Variants in HELLS observed in about 807,000 individuals in gnomAD.
HELLS encodes the protein lymphoid-specific helicase.
A neutral mutation model predicts 120.0 loss-of-function variants in HELLS; 32 were observed. The ratio of observed to expected loss-of-function variants is 0.27; its 90% confidence interval spans 0.20 to 0.36. The LOEUF (loss-of-function observed/expected upper bound fraction) is 0.36. HELLS is among the 10% of genes least tolerant of loss of function. HELLS has a pLI of 1.00. For missense variants in HELLS, 650 were observed against 993.4 expected (o/e 0.65, Z 4.65); for synonymous variants, 341 against 323.4 (o/e 1.05, Z -0.58).
At chr10:94,586,838 C>A (rs1193335613) in intron 12 of HELLS, among the ~76,000 whole-genome samples, 1 of 151,934 alleles carries the variant, frequency 6.6e-6, no homozygotes, top group Non-Finnish European at 1.5e-5. Flanking sequence ...ATTCTGTAAT[C>A]CCGCCACCAC....
chr10:94,583,582 A>G (rs1391284665), intron 12 of HELLS, among the ~76,000 whole-genome samples: 1 of 152,126 alleles, frequency 6.6e-6, no homozygotes, highest in Non-Finnish European at 1.5e-5. Context: ...TCATGAGAAA[A>G]ACGTGAAGCA....
chr10:94,552,845 G>A (rs1324020788), intron 2 of HELLS, among the ~76,000 whole-genome samples: 1 of 152,134 alleles, frequency 6.6e-6, no homozygotes, highest in East Asian at 1.9e-4. Context: ...AGGGCATGGT[G>A]GCATCTGCCT....
At chr10:94,603,829 TTTCC>T (rs770238793), downstream of HELLS, among the ~76,000 whole-genome samples, 117 of 127,224 alleles carry the variant, frequency 9.2e-4, no homozygotes, top group African/African-American at 1.9e-3. Context: ...TTTTTCTTTC[TTTCC>T]TTTTTTTCCC....
intron 6 of HELLS, among the ~76,000 whole-genome samples, chr10:94,566,647 T>C (rs1438654898): frequency 6.6e-6 from 1 of 151,988 alleles, no homozygotes; most frequent in Non-Finnish European, 1.5e-5. Flanking sequence ...TTCTTTCTTT[T>C]TCTTTTCTTT....
Position 94,587,096 on chromosome 10 carries a change from T to C in HELLS, c.1327-1133T>C, listed in dbSNP as rs147611649. The stretch of plus-strand genomic sequence containing the variant: ...GTTGCTTCTGTGTTCTCTTTATAAA[T>C]GTGATAATCATTTGTAACCACCCCA... On this transcript the variant is annotated intron_variant, in intron 12 of 21. Transcript: ENST00000348459. Among the ~76,000 whole-genome samples, 37 of 152,246 alleles carry C rather than the reference T, an allele frequency of 2.4e-4. 1 individual carries two copies. The East Asian group carries it at 7.0e-3, about 29-fold the overall frequency.
intron 2 of HELLS, 131 bp from the exon 3 acceptor site, chr10:94,553,995 G>T: frequency 3.9e-5 from 26 of 675,288 alleles, no homozygotes; most frequent in African/African-American, 7.8e-5. Flanking sequence ...ACAGTTATTT[G>T]TTCCAGTTTT....
chr10:94,613,380 T>C (rs1846213215), exon 10 of HELLS: 1 of 152,250 alleles, frequency 6.6e-6, no homozygotes, highest in African/African-American at 2.4e-5. Context: ...GCTTTTAGTT[T>C]TGTTAAATCT....
At chr10:94,579,728 G>C (rs879648777) in intron 10 of HELLS, among the ~76,000 whole-genome samples, 9 of 151,732 alleles carry the variant, frequency 5.9e-5, no homozygotes, top group Non-Finnish European at 1.0e-4. Flanking sequence ...TTTTTTGTAG[G>C]AACAGGGTGT....
intron 1 of HELLS, 152 bp from the exon 2 acceptor site, chr10:94,546,225 T>G: frequency 1.1e-6 from 1 of 912,126 alleles, no homozygotes; most frequent in Non-Finnish European, 1.7e-6. Flanking sequence ...TGTGAAGACT[T>G]ACGGTGTCTT....
At chr10:94,566,461 G>A (rs919663717) in intron 6 of HELLS, among the ~76,000 whole-genome samples, 1 of 152,092 alleles carries the variant, frequency 6.6e-6, no homozygotes, top group Non-Finnish European at 1.5e-5. Flanking sequence ...CCTCCAATTT[G>A]TATATAAGTG....
chr10:94,560,523 T>C (rs1843498377), intron 4 of HELLS, among the ~76,000 whole-genome samples: 1 of 150,912 alleles, frequency 6.6e-6, no homozygotes, highest in African/African-American at 2.4e-5. Context: ...GATGAGACCC[T>C]GTCTCTGCTA....
chr10:94,596,752 CT>C (rs1564618337), intron 19 of HELLS, 107 bp from the exon 20 acceptor site: 146 of 592,978 alleles, frequency 2.5e-4, no homozygotes, highest in Middle Eastern at 4.7e-4. Flanking sequence ...TTTATCAACA[CT>C]TTTTTTTGCC....
At position 94,545,903 on chromosome 10, in the gene HELLS, C is replaced by G. The variant is rs1199785850; in HGVS notation, c.-19C>G. 1.3e-6 allele frequency: 2 copies of G among 1,553,250 alleles called. No individual in the cohort carries two copies. Among genetic ancestry groups the G allele is most frequent in the South Asian group, 1.2e-5 (1 of 84,182 alleles). ...GGCTCTGAGAGGAGGGGACCCGGTT[C>G]CCGGGTGAGTGTCCAGGCATGCCAG... On this transcript the variant is annotated 5_prime_UTR_variant, in exon 1 of 22. Coordinates refer to ENST00000348459, the MANE Select transcript of HELLS (RefSeq NM_018063.5).
At chr10:94,579,115 G>A (rs1422185029) in intron 10 of HELLS, among the ~76,000 whole-genome samples, 1 of 151,672 alleles carries the variant, frequency 6.6e-6, no homozygotes, top group Non-Finnish European at 1.5e-5. Context: ...TACAGTAAAA[G>A]TAATATATAC....
chr10:94,554,370 C>G (rs894827603), intron 3 of HELLS, 122 bp downstream of exon 3: 2 of 640,308 alleles, frequency 3.1e-6, no homozygotes, highest in Admixed American at 8.1e-5. Context: ...TGAGTTTTGA[C>G]TAGTAAATAT....
At chr10:94,613,456 A>G (rs539340619) in exon 10 of HELLS, 2 of 152,306 alleles carry the variant, frequency 1.3e-5, no homozygotes, top group South Asian at 2.1e-4. Flanking sequence ...TGTGTTTGCT[A>G]TAAAATAAGC....
chr10:94,546,741 A>G (rs966446103), intron 2 of HELLS, among the ~76,000 whole-genome samples: 26 of 152,190 alleles, frequency 1.7e-4, no homozygotes, highest in Admixed American at 6.5e-5. Flanking sequence ...CTTTTAAATG[A>G]GCATTTCAGA....
chr10:94,553,206 A>T (rs1843068963), intron 2 of HELLS, among the ~76,000 whole-genome samples: 1 of 152,140 alleles, frequency 6.6e-6, no homozygotes, highest in South Asian at 2.1e-4. Flanking sequence ...AAGGTAATAT[A>T]ATAACACGGA....
chr10:94,568,067 G>C (rs375433643), intron 6 of HELLS, among the ~76,000 whole-genome samples: 2 of 151,942 alleles, frequency 1.3e-5, no homozygotes, highest in African/African-American at 2.4e-5. Context: ...ACGTCACCAC[G>C]CCCAGCTAAT....
Sources: gnomAD v4.1 joint callset for allele counts (sites outside exome capture counted in the v4.1 genomes callset) on GRCh38, gnomAD v4.1.1 for gene constraint, MANE v1.5 for transcripts, NCBI Gene and HGNC (gene_info 2026-07-23, HGNC 2026-07-21) for gene names.